ATP9A: variants seen among roughly 807,000 people sequenced by gnomAD.
ATP9A encodes probable phospholipid-transporting ATPase IIA.
In ATP9A, 52 loss-of-function variants were observed where a neutral mutation model predicts 144.1. That is an observed-to-expected ratio of 0.36 (90% CI 0.29 to 0.45). The LOEUF is 0.45. Among genes scored for constraint, ATP9A ranks in the 20% least tolerant of loss-of-function variants. ATP9A has a pLI of 1.00. For synonymous variants in ATP9A, 582 were observed against 557.4 expected (o/e 1.04, Z -0.62); for missense variants, 947 against 1,392.7 (o/e 0.68, Z 5.09).
chr20:51,622,561 T>A (rs7274236), intron 18 of ATP9A, among the ~76,000 whole-genome samples: 17 of 152,154 alleles, frequency 1.1e-4, no homozygotes, highest in Non-Finnish European at 2.4e-4. Context: ...AAACACTCAT[T>A]TTTGACGCTG....
intron 13 of ATP9A, among the ~76,000 whole-genome samples, chr20:51,667,388 A>C (rs919194987): frequency 1.3e-5 from 2 of 152,212 alleles, no homozygotes. Flanking sequence ...AACACGACTG[A>C]GAAGGGGCTG....
Position 51,682,607 on chromosome 20 carries a change from T to TTTTTTTTTG in ATP9A, c.800-6400_800-6399insCAAAAAAAA, listed in dbSNP as rs869232134. Among the ~76,000 whole-genome samples, 2 of 124,080 alleles carry TTTTTTTTTG rather than the reference T, an allele frequency of 1.6e-5. 1 individual carries two copies. Among genetic ancestry groups the TTTTTTTTTG allele is most frequent in the Non-Finnish European group, 3.3e-5 (2 of 61,074 alleles). 81.4% of individuals were successfully genotyped at this position (124,080 alleles called of 152,430 possible). A position where few individuals can be genotyped will look rare whatever the true frequency, so the allele number is the denominator to read the frequency against. Reference sequence around the variant, plus strand: ...TTTTTTTTTTTTTTTTTTTTTTTTTTGAGACAGAGTTTCCCTCTTGTGGCC... The same window carrying TTTTTTTTTG: ...TTTTTTTTTTTTTTTTTTTTTTTTTTTTTTTTTTGGAGACAGAGTTTCCCTCTTGTGGCC... On this transcript the variant is annotated intron_variant, in intron 9 of 27. Coordinates refer to ENST00000338821, the MANE Select transcript of ATP9A (RefSeq NM_006045.3).
chr20:51,606,331 T>C (rs745661248), intron 26 of ATP9A, among the ~76,000 whole-genome samples: 3 of 152,182 alleles, frequency 2.0e-5, no homozygotes, highest in East Asian at 1.9e-4. Context: ...TCCAGATATA[T>C]AGAAATATTA....
chr20:51,647,804 AC>A (rs1301796729), intron 14 of ATP9A, among the ~76,000 whole-genome samples: 2 of 152,150 alleles, frequency 1.3e-5, no homozygotes, highest in Non-Finnish European at 2.9e-5. Flanking sequence ...ATCACATGGG[AC>A]AGAGCTTTTG....
At chr20:51,765,642 CA>C (rs1164927794) in intron 1 of ATP9A, among the ~76,000 whole-genome samples, 24 of 110,494 alleles carry the variant, frequency 2.2e-4, no homozygotes, top group Middle Eastern at 5.5e-3. Flanking sequence ...AGCTACATCT[CA>C]AAAAAAAAAA....
At chr20:51,715,017 C>T (rs991438667) in intron 3 of ATP9A, among the ~76,000 whole-genome samples, 5 of 152,096 alleles carry the variant, frequency 3.3e-5, no homozygotes, top group Non-Finnish European at 7.4e-5. Flanking sequence ...TACAGTCATT[C>T]GTTTTCCTTG....
intron 1 of ATP9A, among the ~76,000 whole-genome samples, chr20:51,741,356 G>A (rs902400231): frequency 2.6e-5 from 4 of 152,034 alleles, no homozygotes; most frequent in South Asian, 2.1e-4. Context: ...CGAGGCAGGC[G>A]GATCACGAGG....
chr20:51,740,396 T>C (rs1222082882), intron 1 of ATP9A, among the ~76,000 whole-genome samples: 5 of 148,240 alleles, frequency 3.4e-5, no homozygotes, highest in African/African-American at 1.2e-4. Flanking sequence ...TGTCAGCCAC[T>C]ATCTAAAATC....
intron 1 of ATP9A, among the ~76,000 whole-genome samples, chr20:51,758,040 G>C (rs371418692): frequency 6.6e-6 from 1 of 152,150 alleles, no homozygotes; most frequent in African/African-American, 2.4e-5. Flanking sequence ...ATGACTTGGG[G>C]TATTTACAAA....
At chr20:51,658,362 GAGAGGAGTGAACT>G (rs1348625291) in intron 13 of ATP9A, among the ~76,000 whole-genome samples, 1 of 152,018 alleles carries the variant, frequency 6.6e-6, no homozygotes, top group Non-Finnish European at 1.5e-5. Context: ...GCTGAGGCAG[GAGAGGAGTGAACT>G]AGAGGTGGTT....
chr20:51,621,974 A>G, intron 19 of ATP9A, 100 bp downstream of exon 19: 1 of 1,037,108 alleles, frequency 9.6e-7, no homozygotes, highest in Non-Finnish European at 1.5e-6. Context: ...GGTAATTCAC[A>G]TGCTGCCCCT....
At chr20:51,658,225 C>T (rs2077395197) in intron 13 of ATP9A, among the ~76,000 whole-genome samples, 1 of 152,082 alleles carries the variant, frequency 6.6e-6, no homozygotes, top group Admixed American at 6.6e-5. Context: ...TTTGGGAGGC[C>T]AAGGCGGGTG....
chr20:51,744,493 G>C (rs1481890170), intron 1 of ATP9A, among the ~76,000 whole-genome samples: 13 of 152,136 alleles, frequency 8.5e-5, no homozygotes, highest in Non-Finnish European at 7.4e-5. Context: ...AACCAAAATT[G>C]ATTTTCTTAG....
At chr20:51,765,951 G>A (rs949001924) in intron 1 of ATP9A, among the ~76,000 whole-genome samples, 2 of 151,804 alleles carry the variant, frequency 1.3e-5, no homozygotes, top group Non-Finnish European at 2.9e-5. Flanking sequence ...AAACTACATC[G>A]TCTCAAAAAA....
At chr20:51,709,907 T>C (rs543196935) in intron 4 of ATP9A, among the ~76,000 whole-genome samples, 3 of 152,300 alleles carry the variant, frequency 2.0e-5, no homozygotes, top group Admixed American at 2.0e-4. Context: ...TAAAAGGATG[T>C]AGCAGGTAGG....
chr20:51,673,649 A>C (rs1055853372), intron 11 of ATP9A, among the ~76,000 whole-genome samples: 1 of 152,194 alleles, frequency 6.6e-6, no homozygotes, highest in Non-Finnish European at 1.5e-5. Flanking sequence ...CTCTGATTCA[A>C]GAAAGGATGG....
At chr20:51,733,510 A>T (rs6063703) in intron 1 of ATP9A, among the ~76,000 whole-genome samples, 1 of 151,756 alleles carries the variant, frequency 6.6e-6, no homozygotes, top group Non-Finnish European at 1.5e-5. Context: ...AGTAGCTGGG[A>T]TTACAGGCGT....
At chr20:51,635,315 G>A (rs1437996524) in intron 15 of ATP9A, among the ~76,000 whole-genome samples, 3 of 152,190 alleles carry the variant, frequency 2.0e-5, no homozygotes. Context: ...ACGTCTGTAT[G>A]TGGGTCCTAC....
chr20:51,748,249 G>A (rs987037570), intron 1 of ATP9A, among the ~76,000 whole-genome samples: 13 of 152,196 alleles, frequency 8.5e-5, no homozygotes, highest in African/African-American at 2.2e-4. Flanking sequence ...GTGTGAGACC[G>A]GCTTGGGTTA....
Sources: allele counts gnomAD v4.1 joint callset (sites outside exome capture counted in the v4.1 genomes callset), GRCh38; gene constraint gnomAD v4.1.1; transcripts MANE v1.5; gene names NCBI Gene and HGNC (gene_info 2026-07-23, HGNC 2026-07-21).